The following DOCK8 variants were observed in gnomAD, a reference collection of about 807,000 sequenced individuals.
DOCK8 encodes the protein dedicator of cytokinesis 8, also known as dedicator of cytokinesis protein 8.
Under a neutral mutation model 245.6 loss-of-function variants are expected in DOCK8, and 141 were observed. The ratio of observed to expected loss-of-function variants is 0.57; its 90% CI spans 0.50 to 0.66. DOCK8 has a LOEUF of 0.66. DOCK8 is among the 30% of genes least tolerant of loss of function. DOCK8 has a pLI of 0.00. For synonymous variants in DOCK8, 1,168 were observed against 970.2 expected (o/e 1.20, Z -3.79); for missense variants, 2,965 against 2,603.4 (o/e 1.14, Z -3.02).
At chr9:447,169 C>T (rs1413074745) in intron 44 of DOCK8, among the ~76,000 whole-genome samples, 1 of 152,090 alleles carries the variant, frequency 6.6e-6, no homozygotes, top group African/African-American at 2.4e-5. Context: ...CAGGAAAGAC[C>T]TCTAAGTACA....
chr9:369,137 A>T (rs2053166549), intron 15 of DOCK8: 1 of 150,090 alleles, frequency 6.7e-6, no homozygotes, highest in Admixed American at 6.7e-5. Flanking sequence ...AAAGAAAAAA[A>T]TCCTTTCTCT....
rs942422839 is a variant in DOCK8 at position 463,631 on chromosome 9, C to T, written c.6183C>T (p.Ile2061=). The T allele has an allele frequency of 1.9e-6, 3 of 1,613,606 alleles. No homozygotes were observed. Among genetic ancestry groups the T allele is most frequent in the Non-Finnish European group, 2.5e-6 (3 of 1,180,020 alleles). ...TAAAAGAGAACCTCAGGCCAATGAT[C>T]GAGCGGAAAATTCCAGAACTGTACA... ...NKLKENLRPM[I]ERKIPELYKP... The change falls in exon 47 of 48, where the codon ATC becomes ATT. Residue 2061 remains isoleucine (I), a synonymous_variant. Coordinates refer to ENST00000432829, the MANE Select transcript of DOCK8 (RefSeq NM_203447.4).
At chr9:391,738 A>G (rs147421927) in intron 24 of DOCK8, among the ~76,000 whole-genome samples, 149 of 152,138 alleles carry the variant, frequency 9.8e-4, no homozygotes, top group Non-Finnish European at 1.8e-3. Context: ...CAAACAGTTC[A>G]GAGGATTTGG....
chr9:457,997 C>G (rs2057694463), intron 46 of DOCK8: 3 of 152,238 alleles, frequency 2.0e-5, no homozygotes, highest in Admixed American at 1.3e-4. Flanking sequence ...GAGTTGAGCA[C>G]TCTGGCTCCA....
At chr9:373,665 T>C (rs1450112629) in intron 18 of DOCK8, among the ~76,000 whole-genome samples, 3 of 152,246 alleles carry the variant, frequency 2.0e-5, no homozygotes, top group Non-Finnish European at 4.4e-5. Context: ...TCTTTCGCCA[T>C]CTACCGTCTC....
chr9:449,798 G>C lies in DOCK8; in HGVS notation c.5832G>C (p.Pro1944=). The C allele has an allele frequency of 6.2e-7, 1 of 1,612,768 alleles. No homozygotes were observed. The highest frequency in any genetic ancestry group is 1.3e-5 in the African/African-American group (1 of 74,910). Reference sequence around the variant, plus strand: ...CTCATGTTCAGTTTGTTTTGACACCGATTGAAGTTGCCATTGAAGACATGA... The same window carrying C: ...CTCATGTTCAGTTTGTTTTGACACCCATTGAAGTTGCCATTGAAGACATGA... ...VIQKEEFVLT[P]IEVAIEDMKK... is the part of the protein sequence containing the mutation. The change falls in exon 45 of 48, where the codon CCG becomes CCC. Residue 1944 remains proline, a synonymous_variant. Coordinates refer to ENST00000432829, the MANE Select transcript of DOCK8 (RefSeq NM_203447.4).
intron 14 of DOCK8, among the ~76,000 whole-genome samples, chr9:362,532 C>T (rs1273355811): frequency 1.3e-5 from 2 of 152,224 alleles, no homozygotes; most frequent in African/African-American, 2.4e-5. Flanking sequence ...CCAGTTGACA[C>T]TGGAGCTCAG....
At chr9:442,108 C>T in intron 42 of DOCK8, 99 bp downstream of exon 42, 1 of 1,509,878 alleles carries the variant, frequency 6.6e-7, no homozygotes, top group Non-Finnish European at 9.1e-7. Flanking sequence ...GTTATGGATT[C>T]ATCATTGATC....
chr9:394,957 G>A (rs1327268666), intron 24 of DOCK8, among the ~76,000 whole-genome samples: 11 of 152,234 alleles, frequency 7.2e-5, no homozygotes, highest in Admixed American at 7.2e-4. Context: ...TCAGCAGACA[G>A]GAGCCAAATA....
In DOCK8 at chr9:412,233, A is replaced by T. The variant is rs1192478467; in HGVS notation, c.3531-2549A>T. On this transcript the variant is annotated intron_variant, in intron 28 of 47. Transcript: ENST00000432829. ...ACCCTGAGCAACATGGCAAAACGCC[A>T]TCTCTACAAGAAATACAAAAATTAG... 2.0e-5 allele frequency among the ~76,000 whole-genome samples: 3 copies of T among 152,056 alleles called. No homozygotes were observed. In the East Asian group the frequency reaches 5.8e-4, roughly 29 times the overall value.
chr9:221,389 T>C (rs1223852073), intron 1 of DOCK8, among the ~76,000 whole-genome samples: 1 of 152,150 alleles, frequency 6.6e-6, no homozygotes, highest in African/African-American at 2.4e-5. Flanking sequence ...AAAATGTAGA[T>C]AGTTGCATCT....
intron 1 of DOCK8, among the ~76,000 whole-genome samples, chr9:270,011 G>T (rs925054615): frequency 6.6e-6 from 1 of 152,270 alleles, no homozygotes; most frequent in African/African-American, 2.4e-5. Context: ...GCGTGCTCCA[G>T]TTTCTCCACA....
At chr9:288,210 G>C (rs2048901496) in intron 3 of DOCK8, among the ~76,000 whole-genome samples, 1 of 152,112 alleles carries the variant, frequency 6.6e-6, no homozygotes, top group Non-Finnish European at 1.5e-5. Flanking sequence ...TTGCCAAAAA[G>C]TCTTCTGTAT....
Position 282,158 on chromosome 9 carries a change from C to T in DOCK8, c.157-4303C>T, listed in dbSNP as rs12349011. On this transcript the variant is annotated intron_variant, in intron 2 of 47. Transcript: ENST00000432829. ...GTGAGAAAGTTGCACATTTCACCAC[C>T]TCATGGTTTATTAGAGTGCAATTCC... Among the ~76,000 whole-genome samples, 897 of 152,286 alleles carry T rather than the reference C, an allele frequency of 5.9e-3. 7 individuals carry two copies. The highest frequency in any genetic ancestry group is 0.02 in the African/African-American group (841 of 41,550).
At chr9:437,501 G>A (rs757765660) in intron 39 of DOCK8, among the ~76,000 whole-genome samples, 23 of 152,116 alleles carry the variant, frequency 1.5e-4, no homozygotes, top group Admixed American at 5.2e-4. Context: ...TACTGACCCC[G>A]GGTCATGGGT....
At position 428,479 on chromosome 9, in the gene DOCK8, C is replaced by T. The variant is rs765335127; in HGVS notation, c.4456C>T (p.Arg1486Cys). 84 of 1,614,042 alleles carry T rather than the reference C, an allele frequency of 5.2e-5. No homozygotes were observed. Among genetic ancestry groups the T allele is most frequent in the African/African-American group, 9.3e-5 (7 of 74,922 alleles). Residue 1486 changes from arginine to cysteine, a missense_variant, in exon 35 of 48, where the codon CGT becomes TGT. Physicochemically the swap from Arg to Cys is radical, Grantham distance 180 (BLOSUM62 -3). Transcript: ENST00000432829. ...CCTGACTCACTGCTTTGCAACACTC[C>T]GTGCTCTCATCGCCAAGGTAAACTT... ...TYLTHCFATLRALIAKFGDLL... is the reference protein window; with the variant it reads ...TYLTHCFATLCALIAKFGDLL...
intron 30 of DOCK8, among the ~76,000 whole-genome samples, chr9:418,655 G>T (rs377383646): frequency 2.6e-5 from 4 of 152,320 alleles, no homozygotes; most frequent in African/African-American, 9.6e-5. Flanking sequence ...TCATTGTGAG[G>T]CTGGCAGCTG....
intron 43 of DOCK8, 29 bp downstream of exon 43, chr9:443,545 T>A: frequency 6.4e-7 from 1 of 1,562,366 alleles, no homozygotes; most frequent in Non-Finnish European, 8.8e-7. Context: ...AAACTAACCA[T>A]CAAGCTCTAA....
intron 10 of DOCK8, 107 bp from the exon 11 acceptor site, chr9:334,118 T>TAA: frequency 1.6e-6 from 2 of 1,253,126 alleles, no homozygotes; most frequent in South Asian, 2.5e-5. Context: ...TTTACTCTTT[T>TAA]TAATCAGTAG....
Sources: gnomAD v4.1 joint callset for allele counts (sites outside exome capture counted in the v4.1 genomes callset) on GRCh38, gnomAD v4.1.1 for gene constraint, MANE v1.5 for transcripts, NCBI Gene and HGNC (gene_info 2026-07-23, HGNC 2026-07-21) for gene names.